Variants in LRIG1 observed in about 807,000 individuals in gnomAD.
LRIG1 encodes the protein leucine-rich repeats and immunoglobulin-like domains protein 1.
A neutral mutation model predicts 99.2 loss-of-function variants in LRIG1; 48 were observed. That is an observed-to-expected ratio of 0.48 (90% CI 0.38 to 0.62). The LOEUF is 0.62. LRIG1 is among the 20% of genes least tolerant of loss of function. LRIG1 has a pLI of 0.00. For missense variants in LRIG1, 1,646 were observed against 1,434.4 expected (o/e 1.15, Z -2.38); for synonymous variants, 772 against 596.1 (o/e 1.29, Z -4.30).
In LRIG1 at chr3:66,457,525, C is replaced by A. The variant is rs139679576; in HGVS notation, c.290+4913G>T. ...AATGCACCCAGCTTGGAGGGCTGGGCAGTTCCAAACGTAGCAGGAGAGAAG... is the reference window on the plus strand; with the variant it reads ...AATGCACCCAGCTTGGAGGGCTGGGAAGTTCCAAACGTAGCAGGAGAGAAG... On this transcript the variant is annotated intron_variant, in intron 2 of 18. Coordinates refer to ENST00000273261, the MANE Select transcript of LRIG1 (RefSeq NM_015541.3). 3.1e-3 allele frequency among the ~76,000 whole-genome samples: 477 copies of A among 152,284 alleles called. 2 individuals are homozygous for A. Among genetic ancestry groups the A allele is most frequent in the African/African-American group, 0.01 (426 of 41,536 alleles).
At chr3:66,493,688 C>T (rs1335930522) in intron 1 of LRIG1, among the ~76,000 whole-genome samples, 2 of 152,072 alleles carry the variant, frequency 1.3e-5, no homozygotes, top group African/African-American at 4.8e-5. Context: ...CTCAGCTACT[C>T]AGGCAACTGA....
At chr3:66,426,969 C>T (rs1703003901) in intron 3 of LRIG1, among the ~76,000 whole-genome samples, 1 of 152,212 alleles carries the variant, frequency 6.6e-6, no homozygotes, top group African/African-American at 2.4e-5. Context: ...CAAATCTTAA[C>T]ACGTCTTACT....
chr3:66,499,741 C>T (rs1169138662), intron 1 of LRIG1, among the ~76,000 whole-genome samples: 2 of 152,278 alleles, frequency 1.3e-5, no homozygotes, highest in South Asian at 2.1e-4. Flanking sequence ...GACCAAGGAG[C>T]TCAGACACCA....
At chr3:66,482,955 T>C (rs941599130) in intron 1 of LRIG1, among the ~76,000 whole-genome samples, 1 of 152,206 alleles carries the variant, frequency 6.6e-6, no homozygotes, top group Non-Finnish European at 1.5e-5. Context: ...TGTTTTTTCT[T>C]TTGTACTTTC....
chr3:66,402,755 C>T (rs141585822), intron 9 of LRIG1, among the ~76,000 whole-genome samples: 29 of 152,302 alleles, frequency 1.9e-4, no homozygotes, highest in African/African-American at 6.0e-4. Context: ...TGTGCTAACA[C>T]GCACCCCACT....
At chr3:66,383,506 T>C (rs1701209553) in intron 14 of LRIG1, 105 bp from the exon 15 acceptor site, 1 of 1,016,532 alleles carries the variant, frequency 9.8e-7, no homozygotes, top group Non-Finnish European at 1.4e-6. Flanking sequence ...ATGAGATGCA[T>C]CTGAGATTCT....
At position 66,383,995 on chromosome 3, in the gene LRIG1, G is replaced by C. The variant is rs1380715077; in HGVS notation, c.2067C>G (p.Val689=). The C allele has an allele frequency of 9.3e-6, 15 of 1,610,000 alleles. No homozygotes were observed. Among genetic ancestry groups the C allele is most frequent in the Non-Finnish European group, 1.3e-5 (15 of 1,178,576 alleles). ...GSISANATLT[V]LETPSLVVPL... ...ACAGTAGAGCAATAGGCAAACCTAG[G>C]ACAGTCAGGGTGGCATTAGCTGAAA... Residue 689 remains valine (V), a synonymous_variant, in exon 14 of 19, where the codon GTC becomes GTG. Coordinates refer to ENST00000273261, the MANE Select transcript of LRIG1 (RefSeq NM_015541.3).
intron 5 of LRIG1, among the ~76,000 whole-genome samples, chr3:66,413,982 T>A (rs1452099575): frequency 3.3e-5 from 5 of 151,572 alleles, no homozygotes; most frequent in Admixed American, 2.6e-4. Context: ...AAAAAAAAAA[T>A]CAGGGAAAAA....
chr3:66,380,508 C>G lies in LRIG1; in HGVS notation c.3056-19G>C, dbSNP rs773469959. The G allele has an allele frequency of 2.5e-6, 4 of 1,614,062 alleles. No individual in the cohort carries two copies. In the South Asian group the frequency reaches 3.3e-5, roughly 13 times the overall value. ...GAATCCCCTACAAGGAAAGAACGAA[C>G]CTGTCAGACCCCCACTTGACCGTTT... On this transcript the variant is annotated intron_variant, in intron 18 of 18. Coordinates refer to ENST00000273261, the MANE Select transcript of LRIG1 (RefSeq NM_015541.3).
rs332371 is a variant in LRIG1 at position 66,382,256 on chromosome 3, A to G, written c.2617+17T>C. The G allele has an allele frequency of 0.64, 1,032,353 of 1,613,086 alleles. 335,135 individuals carry two copies. Among genetic ancestry groups the G allele is most frequent in the African/African-American group, 0.9 (67,151 of 74,984 alleles). On this transcript the variant is annotated intron_variant, in intron 16 of 18. Coordinates refer to ENST00000273261, the MANE Select transcript of LRIG1 (RefSeq NM_015541.3). ...CAGTCACAGCAGAGCTCTGCTTCACAGTTACTGAGGCCTTACCATTGCTCT... is the reference window on the plus strand; with the variant it reads ...CAGTCACAGCAGAGCTCTGCTTCACGGTTACTGAGGCCTTACCATTGCTCT...
chr3:66,432,048 C>A (rs1199645771), intron 3 of LRIG1, among the ~76,000 whole-genome samples: 2 of 152,154 alleles, frequency 1.3e-5, no homozygotes, highest in African/African-American at 4.8e-5. Context: ...TTAATGAAAA[C>A]GTAGACAATG....
chr3:66,398,937 T>C (rs971687861), intron 10 of LRIG1, 33 bp downstream of exon 10: 8 of 1,596,956 alleles, frequency 5.0e-6, no homozygotes, highest in Middle Eastern at 1.7e-4. Flanking sequence ...TTCAGCAGGC[T>C]GTGCCTCAGG....
chr3:66,413,789 A>C (rs1702540541), intron 5 of LRIG1, among the ~76,000 whole-genome samples: 1 of 152,204 alleles, frequency 6.6e-6, no homozygotes, highest in Non-Finnish European at 1.5e-5. Context: ...CCACAGACTG[A>C]AAATGGCAAA....
At chr3:66,426,136 C>T (rs1469002876) in intron 3 of LRIG1, among the ~76,000 whole-genome samples, 5 of 152,032 alleles carry the variant, frequency 3.3e-5, no homozygotes, top group African/African-American at 7.2e-5. Flanking sequence ...AATTTCTGAC[C>T]CCTGAAATTA....
chr3:66,456,481 G>A (rs1467432678), intron 2 of LRIG1, among the ~76,000 whole-genome samples: 2 of 151,552 alleles, frequency 1.3e-5, no homozygotes, highest in Middle Eastern at 3.2e-3. Flanking sequence ...GCTGAGGTGC[G>A]AGGATCGCTT....
chr3:66,451,178 C>G (rs6793403), intron 3 of LRIG1, among the ~76,000 whole-genome samples: 1 of 152,056 alleles, frequency 6.6e-6, no homozygotes, highest in Non-Finnish European at 1.5e-5. Context: ...TCACATTACC[C>G]AATTCACTGG....
chr3:66,411,712 T>C (rs1702473829), intron 6 of LRIG1, among the ~76,000 whole-genome samples: 1 of 151,828 alleles, frequency 6.6e-6, no homozygotes, highest in Admixed American at 6.6e-5. Context: ...GACATTCGAG[T>C]CATGATATAA....
chr3:66,449,242 G>A (rs1703821997), intron 3 of LRIG1, among the ~76,000 whole-genome samples: 1 of 152,148 alleles, frequency 6.6e-6, no homozygotes, highest in African/African-American at 2.4e-5. Context: ...TAACTTGCCA[G>A]CACTGAATCC....
intron 1 of LRIG1, among the ~76,000 whole-genome samples, chr3:66,465,357 A>ATT (rs59148647): frequency 0.015 from 1,027 of 67,672 alleles, 28 homozygotes; most frequent in African/African-American, 0.037. Context: ...TCTGAGCATA[A>ATT]TTTTTTTTTT....
Sources: allele counts gnomAD v4.1 joint callset (sites outside exome capture counted in the v4.1 genomes callset), GRCh38; gene constraint gnomAD v4.1.1; transcripts MANE v1.5; gene names NCBI Gene and HGNC (gene_info 2026-07-23, HGNC 2026-07-21).